ALDH4A1: variants seen among roughly 807,000 people sequenced by gnomAD.
ALDH4A1 encodes aldehyde dehydrogenase 4 family member A1.
A neutral mutation model predicts 70.5 loss-of-function variants in ALDH4A1; 46 were observed. The ratio of observed to expected loss-of-function variants is 0.65; its 90% CI spans 0.51 to 0.83. The LOEUF is 0.83. Among genes scored for constraint, ALDH4A1 ranks in the 40% least tolerant of loss-of-function variants. The pLI, the probability that ALDH4A1 is intolerant of heterozygous loss-of-function variation, is 0.00. For synonymous variants in ALDH4A1, 323 were observed against 324.3 expected (o/e 1.00, Z 0.04); for missense variants, 749 against 766.5 (o/e 0.98, Z 0.27).
chr1:18,878,949 C>T (rs1270440554), intron 9 of ALDH4A1, among the ~76,000 whole-genome samples: 1 of 152,242 alleles, frequency 6.6e-6, no homozygotes, highest in African/African-American at 2.4e-5. Flanking sequence ...TCTGCATTTG[C>T]ACTTGCCTCC....
chr1:18,893,062 C>T (rs114515225), intron 1 of ALDH4A1, among the ~76,000 whole-genome samples: 1 of 152,252 alleles, frequency 6.6e-6, no homozygotes, highest in African/African-American at 2.4e-5. Context: ...GATGGTGAGC[C>T]AGATATCACC....
In ALDH4A1 at chr1:18,898,323, A is replaced by AAAAC. The variant is rs201844853; in HGVS notation, c.62+4135_62+4138dup. Among the ~76,000 whole-genome samples the AAAAC allele has an allele frequency of 0.027, 4,044 of 152,186 alleles. 167 individuals carry two copies. The highest frequency in any genetic ancestry group is 0.086 in the African/African-American group (3,574 of 41,460). On this transcript the variant is annotated intron_variant, in intron 1 of 14. Coordinates refer to ENST00000375341, the MANE Select transcript of ALDH4A1 (RefSeq NM_003748.4). This position sits in a 1 kb window ranked among gnomAD's most constrained non-coding sequence, Gnocchi z 4.3. ...GACAACAGAGTGAGACTCTGTCTCC[A>AAAAC]AAACAAACAAACAAACAAACCAACA...
At chr1:18,882,960 G>A (rs1391970115) in intron 7 of ALDH4A1, among the ~76,000 whole-genome samples, 164 bp downstream of exon 7, 1 of 152,184 alleles carries the variant, frequency 6.6e-6, no homozygotes, top group Non-Finnish European at 1.5e-5. Flanking sequence ...ATTCAAACTG[G>A]GTCTCTGGTC....
At chr1:18,896,388 C>G (rs1219154692) in intron 1 of ALDH4A1, among the ~76,000 whole-genome samples, 1 of 152,240 alleles carries the variant, frequency 6.6e-6, no homozygotes, top group Admixed American at 6.5e-5. Flanking sequence ...GGGCTGGACA[C>G]TGGCCCCTTG....
chr1:18,890,105 G>T lies in ALDH4A1; in HGVS notation c.63C>A (p.Gly21=), dbSNP rs745432317. ...ALLSRPWTGA[G]LRWKHTSSLK... ...GGGAGGAGGTGTGCTTCCACCGCAG[G>T]CTGGAACACAAGGGCAGGGGACAGA... Residue 21 remains glycine, a splice_region_variant and synonymous_variant, in exon 2 of 15, where the codon GGC becomes GGA. Coordinates refer to ENST00000375341, the MANE Select transcript of ALDH4A1 (RefSeq NM_003748.4). 3.7e-6 allele frequency: 6 copies of T among 1,610,414 alleles called. No individual in the cohort carries two copies. Among genetic ancestry groups the T allele is most frequent in the Non-Finnish European group, 5.1e-6 (6 of 1,178,602 alleles).
chr1:18,883,024 G>T, intron 7 of ALDH4A1, 100 bp downstream of exon 7: 2 of 1,507,588 alleles, frequency 1.3e-6, no homozygotes, highest in South Asian at 1.1e-5. Context: ...CTCTCCCCAT[G>T]ACTAGGCTGA....
At chr1:18,882,103 C>T (rs1027155646) in intron 7 of ALDH4A1, among the ~76,000 whole-genome samples, 4 of 152,238 alleles carry the variant, frequency 2.6e-5, no homozygotes, top group South Asian at 2.1e-4. Context: ...ATCTGCCCCA[C>T]GCTCTGGCCA....
intron 8 of ALDH4A1, among the ~76,000 whole-genome samples, chr1:18,881,480 T>C (rs1934964449): frequency 6.6e-6 from 1 of 152,190 alleles, no homozygotes; most frequent in Non-Finnish European, 1.5e-5. Context: ...ACATGTTTAA[T>C]CCTTGCAATG....
rs376209051 is a variant in ALDH4A1, at chr1:18,877,381, C to T, written c.1137+35G>A. 2,049 of 1,552,826 alleles carry T rather than the reference C, an allele frequency of 1.3e-3. 2 individuals carry two copies. Among genetic ancestry groups the T allele is most frequent in the Non-Finnish European group, 1.5e-3 (1,761 of 1,147,408 alleles). ...CAGGGACCCAATCCCATCAGCCCCC[C>T]GCTGGGCCGCGGCGGGGGTGACGGT... is the stretch of plus-strand genomic sequence containing the variant. On this transcript the variant is annotated intron_variant, in intron 10 of 14. Coordinates refer to ENST00000375341, the MANE Select transcript of ALDH4A1 (RefSeq NM_003748.4).
intron 13 of ALDH4A1, 116 bp from the exon 14 acceptor site, chr1:18,874,697 G>A (rs74056664): frequency 0.011 from 10,878 of 1,007,246 alleles, 170 homozygotes; most frequent in African/African-American, 0.05. Flanking sequence ...ACAGGAGGCC[G>A]AGTCAGGGAT....
At chr1:18,885,436 A>ACCCCCCCCCCCCCCCCCCCCCCCCCCCC in intron 5 of ALDH4A1, 37 bp downstream of exon 5, 2 of 386,872 alleles carry the variant, frequency 5.2e-6, no homozygotes, top group Non-Finnish European at 8.7e-6. Context: ...CTCCCACCCC[A>ACCCCCCCCCCCCCCCCCCCCCCCCCCCC]CCCCGCCCCA....
At chr1:18,876,679 G>GTGTGTGTGTGTGTATGTGTGTGTGTGTA in intron 11 of ALDH4A1, among the ~76,000 whole-genome samples, 1 of 152,172 alleles carries the variant, frequency 6.6e-6, no homozygotes, top group African/African-American at 2.4e-5. Flanking sequence ...GTGTGTGTGT[G>GTGTGTGTGTGTGTATGTGTGTGTGTGTA]TACACACACA....
At chr1:18,874,385 C>G (rs947997070) in intron 14 of ALDH4A1, 78 bp downstream of exon 14, 31 of 1,354,262 alleles carry the variant, frequency 2.3e-5, no homozygotes, top group Non-Finnish European at 3.1e-5. Context: ...TCCTATTACT[C>G]TGAAGCCCCT....
rs543338887 is a variant in ALDH4A1 at position 18,878,984 on chromosome 1, G to A, written c.940+316C>T. ...CGCTTACAGCTGCAATGCCCGACAC[G>A]GCAGCCACCAGCCACGACTGGCTAC... On this transcript the variant is annotated intron_variant, in intron 9 of 14. Transcript: ENST00000375341. Among the ~76,000 whole-genome samples the A allele has an allele frequency of 9.2e-5, 14 of 152,300 alleles. 1 individual carries two copies. The South Asian group carries it at 2.3e-3, about 25-fold the overall frequency.
chr1:18,873,076 G>A, intron 14 of ALDH4A1, 119 bp from the exon 15 acceptor site: 1 of 864,682 alleles, frequency 1.2e-6, no homozygotes, highest in Non-Finnish European at 1.9e-6. Flanking sequence ...CGAGCCTGCT[G>A]CCAAGCTTGG....
chr1:18,886,797 C>A (rs867093218), intron 3 of ALDH4A1, among the ~76,000 whole-genome samples: 1 of 152,308 alleles, frequency 6.6e-6, no homozygotes, highest in African/African-American at 2.4e-5. Context: ...AAGCACGGAC[C>A]TTTGTGGTCA....
intron 9 of ALDH4A1, among the ~76,000 whole-genome samples, chr1:18,878,101 G>A (rs1307047886): frequency 6.6e-6 from 1 of 152,090 alleles, no homozygotes; most frequent in Non-Finnish European, 1.5e-5. Flanking sequence ...CCAGTGGGAG[G>A]GAGCTTCAGA....
chr1:18,901,198 C>T (rs1014632321), intron 1 of ALDH4A1, among the ~76,000 whole-genome samples: 8 of 152,272 alleles, frequency 5.3e-5, no homozygotes, highest in African/African-American at 1.7e-4. Flanking sequence ...CAAGTGTGGC[C>T]CCAGTCTCAG....
rs1355879480 is a variant in ALDH4A1 at position 18,898,365 on chromosome 1, T to C, written c.62+4097A>G. Among the ~76,000 whole-genome samples the C allele has an allele frequency of 6.6e-6, 1 of 151,872 alleles. No homozygotes were observed. Among genetic ancestry groups the C allele is most frequent in the Non-Finnish European group, 1.5e-5 (1 of 67,964 alleles). ...AAACCAACAATAATAACAGAAGAGG[T>C]TTGGCATCTGGGGTACTTAATTGGA... On this transcript the variant is annotated intron_variant, in intron 1 of 14. Coordinates refer to ENST00000375341, the MANE Select transcript of ALDH4A1 (RefSeq NM_003748.4). This position sits in a 1 kb window ranked among gnomAD's most constrained non-coding sequence, Gnocchi z 4.3.
Sources: gnomAD v4.1 joint callset for allele counts (sites outside exome capture counted in the v4.1 genomes callset) on GRCh38, gnomAD v4.1.1 for gene constraint, Gnocchi (gnomAD v3.1) non-coding constraint, MANE v1.5 for transcripts, NCBI Gene and HGNC (gene_info 2026-07-23, HGNC 2026-07-21) for gene names.